LHX4: variants seen among roughly 807,000 people sequenced by gnomAD.
LHX4 encodes LIM/homeobox protein Lhx4.
Under a neutral mutation model 39.2 loss-of-function variants are expected in LHX4, and 16 were observed. That is an observed-to-expected ratio of 0.41 (90% CI 0.28 to 0.62). The LOEUF (loss-of-function observed/expected upper bound fraction) is 0.62, where lower values mean the gene tolerates loss of function less well. LHX4 is among the 20% of genes least tolerant of loss of function. The pLI, the probability that LHX4 is intolerant of heterozygous loss-of-function variation, is 0.33. For missense variants in LHX4, 439 were observed against 511.9 expected (o/e 0.86, Z 1.37); for synonymous variants, 206 against 198.1 (o/e 1.04, Z -0.33).
intron 2 of LHX4, among the ~76,000 whole-genome samples, chr1:180,259,561 G>A (rs889226089): frequency 5.9e-5 from 9 of 151,824 alleles, no homozygotes; most frequent in East Asian, 3.9e-4. Context: ...ATGGGAGGGC[G>A]CCAGCAGCTG....
chr1:180,261,169 G>A (rs2149261427), intron 2 of LHX4, among the ~76,000 whole-genome samples: 1 of 147,706 alleles, frequency 6.8e-6, no homozygotes. Flanking sequence ...GATGGGAGGA[G>A]GCGGCGAGCA....
At chr1:180,255,053 C>T (rs1487447725) in intron 2 of LHX4, among the ~76,000 whole-genome samples, 1 of 152,224 alleles carries the variant, frequency 6.6e-6, no homozygotes, top group Non-Finnish European at 1.5e-5. Flanking sequence ...ATGGGATGCT[C>T]TCCCTCCCTG....
chr1:180,264,211 C>G (rs190410208), intron 2 of LHX4, among the ~76,000 whole-genome samples: 1 of 152,322 alleles, frequency 6.6e-6, no homozygotes, highest in African/African-American at 2.4e-5. Context: ...CTCAGCCTCC[C>G]AAAGTGCTGG....
chr1:180,246,898 G>A (rs1647409604), intron 1 of LHX4, among the ~76,000 whole-genome samples: 1 of 152,192 alleles, frequency 6.6e-6, no homozygotes, highest in Non-Finnish European at 1.5e-5. Context: ...TTGTGTGCCA[G>A]GCACCGTGCT....
intron 1 of LHX4, among the ~76,000 whole-genome samples, chr1:180,240,179 G>A (rs986321344): frequency 6.6e-6 from 1 of 152,180 alleles, no homozygotes; most frequent in Non-Finnish European, 1.5e-5. Flanking sequence ...TCAGAGCATC[G>A]TTAAATAAAC....
intron 2 of LHX4, among the ~76,000 whole-genome samples, chr1:180,255,667 C>G (rs952699461): frequency 1.3e-5 from 2 of 152,226 alleles, no homozygotes; most frequent in Non-Finnish European, 2.9e-5. Context: ...AATTACTTAG[C>G]CCCGAAGCTC....
chr1:180,259,871 G>A (rs1005137772), intron 2 of LHX4, among the ~76,000 whole-genome samples: 4 of 151,678 alleles, frequency 2.6e-5, no homozygotes, highest in Non-Finnish European at 5.9e-5. Flanking sequence ...GAACAGCGGG[G>A]TCCAATGGTG....
At chr1:180,257,878 GC>G (rs1297146403) in intron 2 of LHX4, among the ~76,000 whole-genome samples, 1 of 152,186 alleles carries the variant, frequency 6.6e-6, no homozygotes, top group African/African-American at 2.4e-5. Flanking sequence ...CAGAGGAGAG[GC>G]ACTGAGTTCA....
At chr1:180,265,938 A>G (rs1198714476) in intron 2 of LHX4, among the ~76,000 whole-genome samples, 1 of 152,132 alleles carries the variant, frequency 6.6e-6, no homozygotes, top group Non-Finnish European at 1.5e-5. Context: ...GGAGTGTGTG[A>G]AAAGGTGTTG....
At chr1:180,248,250 A>G in intron 1 of LHX4, 35 bp from the exon 2 acceptor site, 1 of 1,610,126 alleles carries the variant, frequency 6.2e-7, no homozygotes, top group Non-Finnish European at 8.5e-7. Flanking sequence ...GCTGTGTGGA[A>G]GGCTCACAGT....
intron 2 of LHX4, among the ~76,000 whole-genome samples, chr1:180,262,635 G>A (rs1648151925): frequency 6.8e-6 from 1 of 146,516 alleles, no homozygotes; most frequent in South Asian, 2.1e-4. Context: ...AAATCTTTAG[G>A]TACTTAAAGT....
intron 3 of LHX4, chr1:180,271,102 G>A (rs1648622215): frequency 1.9e-6 from 1 of 517,924 alleles, no homozygotes; most frequent in East Asian, 3.5e-5. Context: ...AATCTGATGA[G>A]ACTTCTGTGC....
chr1:180,245,616 C>T (rs559142977), intron 1 of LHX4, among the ~76,000 whole-genome samples: 2 of 152,320 alleles, frequency 1.3e-5, no homozygotes, highest in Admixed American at 1.3e-4. Flanking sequence ...TTTCCGTGGG[C>T]ATGACAGTTA....
chr1:180,250,904 C>G (rs1647603352), intron 2 of LHX4, among the ~76,000 whole-genome samples: 1 of 152,320 alleles, frequency 6.6e-6, no homozygotes, highest in Non-Finnish European at 1.5e-5. Flanking sequence ...GCCTATGAGC[C>G]AAAGGCCCAA....
At chr1:180,267,147 G>A (rs1403469709) in intron 3 of LHX4, among the ~76,000 whole-genome samples, 1 of 152,222 alleles carries the variant, frequency 6.6e-6, no homozygotes, top group Non-Finnish European at 1.5e-5. Context: ...GTTTCTGCAA[G>A]TGCCCAGTGA....
Position 180,274,409 on chromosome 1 carries a change from GA to G in LHX4, c.1004del (p.Asp335AlafsTer14). On this transcript the variant is annotated frameshift_variant, in exon 6 of 6. Transcript: ENST00000263726. LOFTEE classifies it high-confidence loss of function. ...PLLNGLDYTV[D>X]SNLGIIAHAG... is the part of the protein sequence containing the mutation. ...GCTCAATGGGCTGGATTACACGGTG[GA>G]CAGTAATTTGGGCATCATTGCGCAT... 6.2e-7 allele frequency: 1 copy of G among 1,614,196 alleles called. No homozygotes were observed. Among genetic ancestry groups the G allele is most frequent in the Non-Finnish European group, 8.5e-7 (1 of 1,180,038 alleles).
Position 180,278,681 on chromosome 1 carries a change from G to A in LHX4, c.*4102G>A, listed in dbSNP as rs1308991525. ...TGTTCGGCCAAACAAGCAGGTTCAG[G>A]GCTGCGGGATTCCAGAAGTTGCTCT... On this transcript the variant is annotated 3_prime_UTR_variant, in exon 6 of 6. Coordinates refer to ENST00000263726, the MANE Select transcript of LHX4 (RefSeq NM_033343.4). The A allele has an allele frequency of 6.6e-6, 1 of 150,934 alleles. No individual in the cohort carries two copies. The highest frequency in any genetic ancestry group is 1.5e-5 in the Non-Finnish European group (1 of 67,900). The allele number at this position is 150,934 out of a possible 1,614,324, so 9.3% of individuals were successfully genotyped here.
At chr1:180,258,664 C>A (rs369680857) in intron 2 of LHX4, among the ~76,000 whole-genome samples, 3 of 151,948 alleles carry the variant, frequency 2.0e-5, no homozygotes, top group South Asian at 2.1e-4. Flanking sequence ...AGAAGCTGGG[C>A]GTGGTAGTTC....
intron 1 of LHX4, among the ~76,000 whole-genome samples, chr1:180,239,101 C>T (rs1464692003): frequency 3.3e-5 from 5 of 152,216 alleles, no homozygotes; most frequent in Admixed American, 6.5e-5. Context: ...ACTATACCTC[C>T]GTTATAAATC....
Sources: gnomAD v4.1 joint callset for allele counts (sites outside exome capture counted in the v4.1 genomes callset) on GRCh38, gnomAD v4.1.1 for gene constraint, MANE v1.5 for transcripts, NCBI Gene and HGNC (gene_info 2026-07-23, HGNC 2026-07-21) for gene names.